The following HMCN1 variants were observed in gnomAD, a reference collection of about 807,000 sequenced individuals.
The protein encoded by HMCN1 is hemicentin-1.
In HMCN1, 321 loss-of-function variants were observed where a neutral mutation model predicts 625.9. That is an observed-to-expected ratio of 0.51 (90% CI 0.47 to 0.56). The LOEUF is 0.56. Ranked by LOEUF, HMCN1 falls within the 20% of genes least tolerant of loss-of-function variation. HMCN1 has a pLI of 0.00. For synonymous variants in HMCN1, 2,425 were observed against 2,417.6 expected, an observed-to-expected ratio of 1.00 and a Z score of -0.09; for missense variants, 6,588 against 6,887.3, an observed-to-expected ratio of 0.96 and a Z score of 1.54.
Position 186,174,661 on chromosome 1 carries a change from G to T in HMCN1, c.15943+19G>T, listed in dbSNP as rs369711033. 7 of 1,613,638 alleles carry T rather than the reference G, an allele frequency of 4.3e-6. No homozygotes were observed. The highest frequency in any genetic ancestry group is 5.9e-6 in the Non-Finnish European group (7 of 1,179,640). On this transcript the variant is annotated intron_variant, in intron 103 of 106. Transcript: ENST00000271588. ...TGCATGGGTAAGTTAATAGGAACTT[G>T]TTGAGCAATAAAGCTACTGATGTAG...
chr1:185,745,808 C>T lies in HMCN1; in HGVS notation c.268+10761C>T, dbSNP rs565474520. On this transcript the variant is annotated intron_variant, in intron 1 of 106. Coordinates refer to ENST00000271588, the MANE Select transcript of HMCN1 (RefSeq NM_031935.3). ...ACTAGTGCCAAGTAGCTATTCTGTC[C>T]ACTTGAAACTTACATAGATGACAAC... Among the ~76,000 whole-genome samples, 7 of 152,256 alleles carry T rather than the reference C, an allele frequency of 4.6e-5. No individual in the cohort carries two copies. In the South Asian group the frequency reaches 1.5e-3, roughly 32 times the overall value.
intron 71 of HMCN1, among the ~76,000 whole-genome samples, chr1:186,111,081 C>T (rs969958056): frequency 6.8e-6 from 1 of 146,920 alleles, no homozygotes; most frequent in Admixed American, 6.9e-5. Flanking sequence ...CCTGGGTTCA[C>T]GCCATTCTCC....
At chr1:185,881,062 C>T (rs1191879492) in intron 4 of HMCN1, among the ~76,000 whole-genome samples, 1 of 152,204 alleles carries the variant, frequency 6.6e-6, no homozygotes, top group African/African-American at 2.4e-5. Context: ...TTACACTGCT[C>T]TTTTAGCTCT....
At chr1:185,790,764 C>T (rs183937512) in intron 1 of HMCN1, among the ~76,000 whole-genome samples, 21 of 152,314 alleles carry the variant, frequency 1.4e-4, no homozygotes, top group African/African-American at 5.1e-4. Context: ...ACACATTCTC[C>T]GATGTTCTCT....
intron 93 of HMCN1, among the ~76,000 whole-genome samples, chr1:186,148,949 T>A (rs905599700): frequency 2.6e-5 from 4 of 152,024 alleles, no homozygotes; most frequent in African/African-American, 7.3e-5. Context: ...TTTTTTTTTT[T>A]TTATTTTCCT....
chr1:185,835,834 T>C (rs1661132111), intron 1 of HMCN1, among the ~76,000 whole-genome samples: 1 of 151,984 alleles, frequency 6.6e-6, no homozygotes, highest in Non-Finnish European at 1.5e-5. Flanking sequence ...ATAAATAATA[T>C]ACAGAAAAAA....
Position 185,925,207 on chromosome 1 carries a change from T to C in HMCN1, c.1430+16T>C. On this transcript the variant is annotated intron_variant, in intron 9 of 106. Coordinates refer to ENST00000271588, the MANE Select transcript of HMCN1 (RefSeq NM_031935.3). ...AGTATTTGAAGTAGGTACATGTTTC[T>C]GTCAGTAATAAGATTCAGCATTTAA... The C allele has an allele frequency of 1.2e-6, 2 of 1,605,708 alleles. No individual in the cohort carries two copies. Among genetic ancestry groups the C allele is most frequent in the African/African-American group, 1.3e-5 (1 of 74,868 alleles).
Position 186,074,849 on chromosome 1 carries a change from A to G in HMCN1, c.8248A>G (p.Ile2750Val). 2 of 1,613,052 alleles carry G rather than the reference A, an allele frequency of 1.2e-6. No homozygotes were observed. The highest frequency in any genetic ancestry group is 1.7e-6 in the Non-Finnish European group (2 of 1,179,260). ...ACGATATACTTGTGTAGCATCTAAC[A>G]TTGCAGGTGAAGATGAGTTGGATTT... is the stretch of plus-strand genomic sequence containing the variant. ...TGRYTCVASNIAGEDELDFDV... is the reference protein window; with the variant it reads ...TGRYTCVASNVAGEDELDFDV... Residue 2750 changes from isoleucine (I) to valine (V), a missense_variant, in exon 53 of 107, where the codon ATT becomes GTT. Physicochemically the swap from Ile to Val is conservative, Grantham distance 29. Around this residue, in one of 3 missense-constraint regions of HMCN1, gnomAD observed 4,628 missense variants for 4,853.1 expected, o/e 0.95. Transcript: ENST00000271588.
intron 4 of HMCN1, among the ~76,000 whole-genome samples, chr1:185,868,151 AAACAACAAC>A (rs568147274): frequency 0.011 from 1,660 of 152,020 alleles, 13 homozygotes; most frequent in South Asian, 0.021. Context: ...AGAGCCAGAA[AAACAACAAC>A]AACAACAACA....
At chr1:185,875,575 A>C (rs563548358) in intron 4 of HMCN1, among the ~76,000 whole-genome samples, 1 of 152,212 alleles carries the variant, frequency 6.6e-6, no homozygotes, top group African/African-American at 2.4e-5. Flanking sequence ...CTGTTGCCTC[A>C]GTCTTCATTT....
chr1:186,166,828 G>A lies in HMCN1; in HGVS notation c.15460G>A (p.Gly5154Ser), dbSNP rs777284205. 3.7e-6 allele frequency: 6 copies of A among 1,614,058 alleles called. No individual in the cohort carries two copies. The highest frequency in any genetic ancestry group is 2.2e-5 in the East Asian group (1 of 44,876). The change falls in exon 100 of 107, where the codon GGT becomes AGT. Residue 5154 changes from glycine to serine, a missense_variant. Physicochemically the swap from Gly to Ser is moderately conservative, Grantham distance 56 (BLOSUM62 0). Coordinates refer to ENST00000271588, the MANE Select transcript of HMCN1 (RefSeq NM_031935.3). ...TGCAGATATTGATGAGTGTGCTTTG[G>A]GTAGGCATACCTGCCACGCTGGTCA... is the stretch of plus-strand genomic sequence containing the variant. ...TCQDIDECAL[G>S]RHTCHAGQDC...
At chr1:185,782,133 T>C (rs1448051561) in intron 1 of HMCN1, among the ~76,000 whole-genome samples, 1 of 152,174 alleles carries the variant, frequency 6.6e-6, no homozygotes, top group Non-Finnish European at 1.5e-5. Flanking sequence ...TCTTTGTTGG[T>C]TTAAAGTCTG....
chr1:185,786,497 G>A (rs55682041), intron 1 of HMCN1, among the ~76,000 whole-genome samples: 6,748 of 152,174 alleles, frequency 0.044, 210 homozygotes, highest in South Asian at 0.071. Context: ...TCTGGGCTTC[G>A]TTGTCTCATC....
intron 97 of HMCN1, among the ~76,000 whole-genome samples, chr1:186,163,785 G>A (rs1651685356): frequency 6.6e-6 from 1 of 152,072 alleles, no homozygotes; most frequent in African/African-American, 2.4e-5. Context: ...CTCATACATG[G>A]CAATATTGTA....
chr1:186,018,380 G>T (rs779286997), intron 34 of HMCN1, 28 bp downstream of exon 34: 1 of 1,596,078 alleles, frequency 6.3e-7, no homozygotes, highest in Admixed American at 1.7e-5. Flanking sequence ...CAGGAACTTT[G>T]CATCTTAAAT....
intron 4 of HMCN1, among the ~76,000 whole-genome samples, chr1:185,893,021 T>G (rs1388900753): frequency 6.6e-6 from 1 of 152,082 alleles, no homozygotes; most frequent in Non-Finnish European, 1.5e-5. Flanking sequence ...GGTGCGCCGT[T>G]TTTTAAGCAG....
intron 49 of HMCN1, among the ~76,000 whole-genome samples, chr1:186,066,915 A>G (rs1658153012): frequency 6.6e-6 from 1 of 152,134 alleles, no homozygotes; most frequent in African/African-American, 2.4e-5. Flanking sequence ...TACACAAGAA[A>G]CTTTTAAAAA....
chr1:186,023,114 G>C lies in HMCN1; in HGVS notation c.5710G>C (p.Ala1904Pro), dbSNP rs1272918857. ...GRYTCVATNAAGETQQHIQLH... is the reference protein window; with the variant it reads ...GRYTCVATNAPGETQQHIQLH... The stretch of plus-strand genomic sequence containing the variant: ...ATACACATGTGTGGCTACCAACGCA[G>C]CTGGAGAAACACAACAGCACATTCA... The change falls in exon 36 of 107, where the codon GCT becomes CCT. Residue 1904 changes from alanine (A) to proline (P), a missense_variant. By Grantham distance (27) the Ala-to-Pro change is conservative. This residue lies in a region of HMCN1 where 4,628 missense variants were observed against 4,853.1 expected (regional missense o/e 0.95). Coordinates refer to ENST00000271588, the MANE Select transcript of HMCN1 (RefSeq NM_031935.3). The C allele has an allele frequency of 1.2e-6, 2 of 1,613,178 alleles. No individual in the cohort carries two copies. The highest frequency in any genetic ancestry group is 1.3e-5 in the African/African-American group (1 of 74,852).
Position 186,065,237 on chromosome 1 carries a change from G to T in HMCN1, c.7514-1G>T. The T allele has an allele frequency of 6.2e-7, 1 of 1,610,886 alleles. No individual in the cohort carries two copies. The highest frequency in any genetic ancestry group is 8.5e-7 in the Non-Finnish European group (1 of 1,179,160). On this transcript the variant is annotated splice_acceptor_variant, in intron 48 of 106. Coordinates refer to ENST00000271588, the MANE Select transcript of HMCN1 (RefSeq NM_031935.3). LOFTEE classifies it high-confidence loss of function. ...TGACTCTCAGAAATGGATTTTTACA[G>T]GGAATCCAGTGCCAGAAATTACATG... is the stretch of plus-strand genomic sequence containing the variant.
Sources: allele counts gnomAD v4.1 joint callset (sites outside exome capture counted in the v4.1 genomes callset), GRCh38; gene constraint gnomAD v4.1.1; regional missense constraint gnomAD v4.1.1; transcripts MANE v1.5; gene names NCBI Gene and HGNC (gene_info 2026-07-23, HGNC 2026-07-21).